MLC1: variants seen among roughly 807,000 people sequenced by gnomAD.
MLC1 encodes the protein membrane protein MLC1.
MLC1 carries 32 observed loss-of-function variants against 44.7 expected under a neutral mutation model. That is an observed-to-expected ratio of 0.72 (90% CI 0.54 to 0.96). The LOEUF (loss-of-function observed/expected upper bound fraction) is 0.96. MLC1 is among the 40% of genes least tolerant of loss of function. MLC1 has a pLI of 0.00. For synonymous variants in MLC1, 190 were observed against 213.0 expected (o/e 0.89, Z 0.94); for missense variants, 459 against 492.2 (o/e 0.93, Z 0.64).
Position 50,084,730 on chromosome 22 carries a change from A to T in MLC1, c.173T>A (p.Met58Lys). The stretch of plus-strand genomic sequence containing the variant: ...GCTTAGTGTGGAGCTACTCACCCCC[A>T]TCAGCACAGAGAAGACCCACGTCTT... ...SHKTWVFSVLMGSCLLVTSGF... is the reference protein window; with the variant it reads ...SHKTWVFSVLKGSCLLVTSGF... The change falls in exon 2 of 12, where the codon ATG becomes AAG. Residue 58 changes from methionine (M) to lysine (K), a missense_variant. By Grantham distance (95) the Met-to-Lys change is moderately conservative (BLOSUM62 -1). Coordinates refer to ENST00000311597, the MANE Select transcript of MLC1 (RefSeq NM_015166.4). 6.2e-7 allele frequency: 1 copy of T among 1,613,996 alleles called. No homozygotes were observed. The highest frequency in any genetic ancestry group is 8.5e-7 in the Non-Finnish European group (1 of 1,180,002).
intron 6 of MLC1, 98 bp downstream of exon 6, chr22:50,077,303 C>T (rs2062007708): frequency 3.9e-5 from 42 of 1,078,010 alleles, no homozygotes; most frequent in Non-Finnish European, 5.7e-5. Flanking sequence ...TGGAGCAGCC[C>T]AGATCGGCCC....
chr22:50,067,903 G>A (rs1326011872), intron 10 of MLC1, among the ~76,000 whole-genome samples: 2 of 150,798 alleles, frequency 1.3e-5, no homozygotes, highest in Non-Finnish European at 2.9e-5. Context: ...GGAGCAAACA[G>A]CTTAATACAG....
Position 50,077,319 on chromosome 22 carries a change from G to C in MLC1, c.525+82C>G. The C allele has an allele frequency of 1.3e-5, 16 of 1,261,290 alleles. No homozygotes were observed. In the South Asian group the frequency reaches 2.0e-4, roughly 16 times the overall value. 78.1% of individuals were successfully genotyped at this position (1,261,290 alleles called of 1,614,324 possible). The stretch of plus-strand genomic sequence containing the variant: ...GGAGCAGCCCAGATCGGCCCTCCGA[G>C]GGTGACGCTGAGACCCACCTCGCTC... On this transcript the variant is annotated intron_variant, in intron 6 of 11. Coordinates refer to ENST00000311597, the MANE Select transcript of MLC1 (RefSeq NM_015166.4).
chr22:50,066,832 T>C (rs1392573348), intron 10 of MLC1, among the ~76,000 whole-genome samples: 1 of 151,910 alleles, frequency 6.6e-6, no homozygotes, highest in African/African-American at 2.4e-5. Context: ...ACCACATAAA[T>C]ATTTTATATA....
At chr22:50,069,680 C>A (rs1005959615) in intron 9 of MLC1, among the ~76,000 whole-genome samples, 4 of 151,942 alleles carry the variant, frequency 2.6e-5, no homozygotes, top group Admixed American at 6.6e-5. Flanking sequence ...AAACATTTAC[C>A]TGCAATTCTC....
At chr22:50,076,780 C>T in intron 7 of MLC1, 61 bp downstream of exon 7, 3 of 1,566,088 alleles carry the variant, frequency 1.9e-6, no homozygotes, top group Non-Finnish European at 2.6e-6. Context: ...GACGTTTAAT[C>T]CAGCCTCAGT....
chr22:50,071,437 C>T (rs527486928), intron 8 of MLC1, among the ~76,000 whole-genome samples: 7 of 152,302 alleles, frequency 4.6e-5, no homozygotes, highest in Admixed American at 2.6e-4. Context: ...GCTCCTGATC[C>T]GGATTCGGTC....
intron 4 of MLC1, 71 bp downstream of exon 4, chr22:50,080,273 C>T: frequency 6.6e-7 from 1 of 1,521,940 alleles, no homozygotes; most frequent in Non-Finnish European, 8.9e-7. Flanking sequence ...CACACAAGCA[C>T]ACATGGGCAC....
At chr22:50,080,471 G>A in intron 3 of MLC1, 74 bp from the exon 4 acceptor site, 1 of 1,451,370 alleles carries the variant, frequency 6.9e-7, no homozygotes, top group Non-Finnish European at 9.5e-7. Flanking sequence ...TCTAACATTT[G>A]CGCTTCCAGA....
At chr22:50,070,484 G>T in intron 9 of MLC1, 43 bp downstream of exon 9, 9 of 1,536,226 alleles carry the variant, frequency 5.9e-6, no homozygotes, top group Middle Eastern at 1.7e-4. Context: ...CCCTGGCCCC[G>T]CTCGGTGGGT....
At chr22:50,072,108 G>A (rs553129808) in intron 8 of MLC1, among the ~76,000 whole-genome samples, 1 of 152,370 alleles carries the variant, frequency 6.6e-6, no homozygotes, top group East Asian at 1.9e-4. Context: ...GCTGTAAGCA[G>A]CAGTGAGGGC....
At chr22:50,063,116 T>A (rs994667595) in intron 11 of MLC1, among the ~76,000 whole-genome samples, 2 of 152,182 alleles carry the variant, frequency 1.3e-5, no homozygotes, top group Non-Finnish European at 2.9e-5. Context: ...TCTGAAAGCA[T>A]TAAGTCCAGA....
intron 10 of MLC1, among the ~76,000 whole-genome samples, chr22:50,067,429 C>CCGTCAGGCAG (rs2061728814): frequency 7.3e-6 from 1 of 137,890 alleles, no homozygotes. Flanking sequence ...ACTCTATCCC[C>CCGTCAGGCAG]TGTCAGGCAG....
chr22:50,061,868 C>A (rs190746868), intron 11 of MLC1, among the ~76,000 whole-genome samples: 2 of 152,330 alleles, frequency 1.3e-5, no homozygotes, highest in South Asian at 2.1e-4. Flanking sequence ...CATCCCCCCC[C>A]GCACACACGG....
At chr22:50,078,538 A>C (rs1444512280) in intron 5 of MLC1, among the ~76,000 whole-genome samples, 2 of 151,466 alleles carry the variant, frequency 1.3e-5, no homozygotes, top group Admixed American at 6.6e-5. Context: ...CAGGAGTTCC[A>C]GACCAGCCTG....
intron 8 of MLC1, among the ~76,000 whole-genome samples, chr22:50,071,070 T>C (rs1208447842): frequency 6.6e-6 from 1 of 151,994 alleles, no homozygotes; most frequent in Non-Finnish European, 1.5e-5. Flanking sequence ...GTCCTCATCA[T>C]GTTCTTTCTT....
chr22:50,074,412 A>AC, intron 7 of MLC1, 80 bp from the exon 8 acceptor site: 2 of 1,270,920 alleles, frequency 1.6e-6, no homozygotes, highest in East Asian at 2.3e-5. Context: ...GCAGACATGG[A>AC]CCCCCAGGAG....
intron 7 of MLC1, among the ~76,000 whole-genome samples, chr22:50,075,347 T>G (rs1355875422): frequency 6.6e-6 from 1 of 152,068 alleles, no homozygotes. Flanking sequence ...AGCAAGGGCT[T>G]GGGGGCCGGA....
In MLC1 at chr22:50,070,683, C is replaced by T. The variant is rs1294378964; in HGVS notation, c.715-100G>A. 4.6e-6 allele frequency: 6 copies of T among 1,304,164 alleles called. No individual in the cohort carries two copies. In the South Asian group the frequency reaches 6.4e-5, roughly 14 times the overall value. The allele number at this position is 1,304,164 out of a possible 1,614,324, so 80.8% of individuals were successfully genotyped here. On this transcript the variant is annotated intron_variant, in intron 8 of 11. Transcript: ENST00000311597. ...CCAGTGACCCCTCCATGCAGGCTGC[C>T]TGGCTGGCTTGCTGTGGGGGGCAGG...
Sources: gnomAD v4.1 joint callset for allele counts (sites outside exome capture counted in the v4.1 genomes callset) on GRCh38, gnomAD v4.1.1 for gene constraint, MANE v1.5 for transcripts, NCBI Gene and HGNC (gene_info 2026-07-23, HGNC 2026-07-21) for gene names.